Variants in DMD observed in about 807,000 individuals in gnomAD.
DMD encodes the protein mutant dystrophin.
DMD carries 63 observed loss-of-function variants against 330.1 expected under a neutral mutation model. The observed-to-expected ratio is 0.19, with a 90% confidence interval of 0.16 to 0.24. The LOEUF is 0.24. DMD is among the 10% of genes least tolerant of loss of function. DMD has a pLI of 1.00. For missense variants in DMD, 3,344 were observed against 2,684.1 expected (o/e 1.25, Z -5.43); for synonymous variants, 1,223 against 959.8 (o/e 1.27, Z -5.07).
rs1363154489 is a variant in DMD at position 32,252,733 on chromosome X, AATAT to A, written c.6290+34792_6290+34795del. On this transcript the variant is annotated intron_variant, in intron 43 of 78. Transcript: ENST00000357033. ...ATATATAAATATATATAAATATATA[AATAT>A]ATATATAAATATATATAAATATATA... Among the ~76,000 whole-genome samples, 51 of 35,846 alleles carry A rather than the reference AATAT, an allele frequency of 1.4e-3. 5 individuals carry two copies. Among genetic ancestry groups the A allele is most frequent in the Admixed American group, 3.6e-3 (6 of 1,667 alleles). The allele number at this position is 35,846 out of a possible 115,157, so 31.1% of individuals were successfully genotyped here. A position where few individuals can be genotyped will look rare whatever the true frequency, so the allele number is the denominator to read the frequency against.
intron 7 of DMD, among the ~76,000 whole-genome samples, chrX:32,744,537 C>G (rs1170031734): frequency 9.0e-6 from 1 of 111,301 alleles, no homozygotes; most frequent in African/African-American, 3.3e-5. Context: ...GACATTTTAC[C>G]AAAAGCACAT....
intron 1 of DMD, among the ~76,000 whole-genome samples, chrX:33,058,214 CAA>C (rs2094541023): frequency 9.0e-6 from 1 of 111,521 alleles, no homozygotes; most frequent in Admixed American, 9.6e-5. Flanking sequence ...CTGAGGGACA[CAA>C]GTTATATCAG....
chrX:31,190,609 G>GGGGGGGGGGGGGGGGGGGGGGGGGGT (rs2042232697), intron 67 of DMD, among the ~76,000 whole-genome samples: 1 of 16,423 alleles, frequency 6.1e-5, no homozygotes, highest in African/African-American at 1.7e-4. Flanking sequence ...GGGGGGGGGG[G>GGGGGGGGGGGGGGGGGGGGGGGGGGT]GGAGGGGGAG....
chrX:31,781,588 G>A (rs765705826), intron 50 of DMD, among the ~76,000 whole-genome samples: 18 of 111,036 alleles, frequency 1.6e-4, no homozygotes, highest in Non-Finnish European at 2.3e-4. Context: ...CTTGAATAGA[G>A]AAATAATCAT....
intron 27 of DMD, among the ~76,000 whole-genome samples, chrX:32,445,720 C>A (rs2098300736): frequency 9.1e-6 from 1 of 110,241 alleles, no homozygotes; most frequent in African/African-American, 3.3e-5. Flanking sequence ...ACATTTCAGT[C>A]AAACAGATGG....
At chrX:32,958,732 G>A (rs2091733138) in intron 2 of DMD, among the ~76,000 whole-genome samples, 1 of 110,643 alleles carries the variant, frequency 9.0e-6, no homozygotes, top group Non-Finnish European at 1.9e-5. Flanking sequence ...CAACCCAGAA[G>A]TGTTTTTCCT....
intron 49 of DMD, among the ~76,000 whole-genome samples, chrX:31,820,684 T>C (rs2092734479): frequency 9.0e-6 from 1 of 111,340 alleles, no homozygotes. Context: ...CCTCATTCAG[T>C]GACTGATGAA....
At chrX:32,133,632 C>G (rs181711864) in intron 44 of DMD, among the ~76,000 whole-genome samples, 31 of 111,169 alleles carry the variant, frequency 2.8e-4, no homozygotes, top group Admixed American at 2.6e-3. Flanking sequence ...CAACTTTATC[C>G]CTTCCAGTTA....
intron 1 of DMD, among the ~76,000 whole-genome samples, chrX:33,336,284 T>C (rs905087633): frequency 1.8e-5 from 2 of 108,117 alleles, no homozygotes; most frequent in African/African-American, 3.4e-5. Context: ...TGTATGCACA[T>C]GCTTAAGTGG....
chrX:32,336,741 T>C (rs2097717548), intron 41 of DMD, among the ~76,000 whole-genome samples: 1 of 112,453 alleles, frequency 8.9e-6, no homozygotes, highest in Non-Finnish European at 1.9e-5. Context: ...AAAGGATATC[T>C]AAATAAGTTA....
At chrX:33,217,967 A>G (rs114973694) in intron 1 of DMD, among the ~76,000 whole-genome samples, 4,276 of 111,393 alleles carry the variant, frequency 0.038, 201 homozygotes, top group African/African-American at 0.13. Context: ...TTCCAGTACT[A>G]TGAATAATAG....
chrX:32,407,807 G>A (rs2098124448), intron 30 of DMD, among the ~76,000 whole-genome samples: 1 of 109,308 alleles, frequency 9.1e-6, no homozygotes, highest in Non-Finnish European at 1.9e-5. Flanking sequence ...AAAAGGATGA[G>A]TTCATGTCCT....
intron 67 of DMD, among the ~76,000 whole-genome samples, chrX:31,201,677 A>C (rs2043489811): frequency 8.9e-6 from 1 of 111,970 alleles, no homozygotes; most frequent in African/African-American, 3.2e-5. Context: ...CAAATCCAAG[A>C]GGGCCAGAGG....
At chrX:31,666,156 C>T (rs1037512458) in intron 53 of DMD, among the ~76,000 whole-genome samples, 1 of 111,467 alleles carries the variant, frequency 9.0e-6, no homozygotes, top group Non-Finnish European at 1.9e-5. Flanking sequence ...TTTTTCAGCT[C>T]CTTTTCAGAC....
chrX:33,205,658 A>G (rs1230840214), intron 1 of DMD, among the ~76,000 whole-genome samples: 2 of 112,296 alleles, frequency 1.8e-5, no homozygotes, highest in Non-Finnish European at 3.8e-5. Context: ...AACGCTTTAA[A>G]ACAAAACAAA....
chrX:31,910,235 A>ACAAT (rs2149862869), intron 47 of DMD, among the ~76,000 whole-genome samples: 1 of 112,460 alleles, frequency 8.9e-6, no homozygotes, highest in African/African-American at 3.2e-5. Context: ...CACCACCACC[A>ACAAT]CAATCAATCA....
At chrX:31,815,557 C>A (rs7471869) in intron 50 of DMD, among the ~76,000 whole-genome samples, 1 of 111,771 alleles carries the variant, frequency 8.9e-6, no homozygotes, top group Non-Finnish European at 1.9e-5. Context: ...CTGGGTGGTT[C>A]TAACGCATGG....
chrX:33,303,609 T>C (rs188965811), intron 1 of DMD, among the ~76,000 whole-genome samples: 2 of 111,555 alleles, frequency 1.8e-5, no homozygotes, highest in Admixed American at 1.9e-4. Flanking sequence ...GGGAGATAAC[T>C]GAATCATGGG....
At chrX:31,493,845 G>A (rs955476988) in intron 57 of DMD, among the ~76,000 whole-genome samples, 1 of 111,760 alleles carries the variant, frequency 8.9e-6, no homozygotes, top group South Asian at 3.7e-4. Context: ...GATAACAATA[G>A]TAGACAGTCA....
Sources: gnomAD v4.1 joint callset for allele counts (sites outside exome capture counted in the v4.1 genomes callset) on GRCh38, gnomAD v4.1.1 for gene constraint, MANE v1.5 for transcripts, NCBI Gene and HGNC (gene_info 2026-07-23, HGNC 2026-07-21) for gene names.